CNTNAP2: variants seen among roughly 807,000 people sequenced by gnomAD.
The protein encoded by CNTNAP2 is contactin-associated protein-like 2.
CNTNAP2 carries 98 observed loss-of-function variants against 155.2 expected under a neutral mutation model. The ratio of observed to expected loss-of-function variants is 0.63; its 90% confidence interval spans 0.54 to 0.75. The LOEUF (loss-of-function observed/expected upper bound fraction) is 0.75, where lower values mean the gene tolerates loss of function less well. CNTNAP2 is among the 30% of genes least tolerant of loss of function. The probability of loss-of-function intolerance (pLI) is 0.00; values close to 1 mark genes in which losing one functional copy is unlikely to be tolerated. For synonymous variants in CNTNAP2, 651 were observed against 631.2 expected (o/e 1.03, Z -0.47); for missense variants, 1,727 against 1,688.1 (o/e 1.02, Z -0.40).
At chr7:147,741,247 C>G (rs1796951122) in intron 13 of CNTNAP2, among the ~76,000 whole-genome samples, 1 of 152,146 alleles carries the variant, frequency 6.6e-6, no homozygotes, top group Admixed American at 6.5e-5. Flanking sequence ...TCTTCAGGTC[C>G]AGATAAGGGA....
At position 147,266,856 on chromosome 7, in the gene CNTNAP2, C is replaced by T. The variant is rs370269450; in HGVS notation, c.1349-33285C>T. Among the ~76,000 whole-genome samples the T allele has an allele frequency of 3.9e-5, 6 of 152,224 alleles. No homozygotes were observed. In the South Asian group the frequency reaches 8.3e-4, roughly 21 times the overall value. ...TGTTTCTTAGCATGTTTTGTGTTCC[C>T]ATTTTAAGTCTGTAAGGGTTATAGA... On this transcript the variant is annotated intron_variant, in intron 8 of 23. Transcript: ENST00000361727.
intron 15 of CNTNAP2, among the ~76,000 whole-genome samples, chr7:148,002,604 A>C (rs555787659): frequency 6.6e-6 from 1 of 152,324 alleles, no homozygotes; most frequent in Non-Finnish European, 1.5e-5. Context: ...CATTTAGATG[A>C]CACATTTAAT....
At chr7:146,395,450 A>G (rs1795606171) in intron 1 of CNTNAP2, among the ~76,000 whole-genome samples, 2 of 128,992 alleles carry the variant, frequency 1.6e-5, no homozygotes, top group South Asian at 4.4e-4. Flanking sequence ...ATAGTGCTAA[A>G]TAGTTTTTTT....
At chr7:147,157,472 T>C (rs934091151) in intron 8 of CNTNAP2, among the ~76,000 whole-genome samples, 1 of 152,106 alleles carries the variant, frequency 6.6e-6, no homozygotes, top group Non-Finnish European at 1.5e-5. Flanking sequence ...TTCAGAACAA[T>C]TGTCAAGTTT....
intron 1 of CNTNAP2, among the ~76,000 whole-genome samples, chr7:146,227,493 T>C (rs890958867): frequency 6.6e-6 from 1 of 151,470 alleles, no homozygotes; most frequent in Non-Finnish European, 1.5e-5. Context: ...AAATATTTCA[T>C]TGGTTGACTC....
At chr7:146,904,712 C>T (rs965405016) in intron 3 of CNTNAP2, among the ~76,000 whole-genome samples, 21 of 152,136 alleles carry the variant, frequency 1.4e-4, no homozygotes, top group African/African-American at 4.3e-4. Context: ...ACCTCGTGAT[C>T]CGCCCACCTC....
intron 1 of CNTNAP2, among the ~76,000 whole-genome samples, chr7:146,293,078 C>G (rs569239370): frequency 6.6e-6 from 1 of 151,922 alleles, no homozygotes; most frequent in African/African-American, 2.4e-5. Context: ...ATTGTATTCA[C>G]GAACTATAAC....
At chr7:146,776,907 G>T (rs1343302909) in intron 2 of CNTNAP2, among the ~76,000 whole-genome samples, 1 of 152,078 alleles carries the variant, frequency 6.6e-6, no homozygotes, top group Non-Finnish European at 1.5e-5. Context: ...TGGACACTTG[G>T]ATTTGAGGAG....
At chr7:146,721,890 T>TATATA (rs1491454260) in intron 1 of CNTNAP2, among the ~76,000 whole-genome samples, 1 of 75,594 alleles carries the variant, frequency 1.3e-5, no homozygotes, top group African/African-American at 8.8e-5. Flanking sequence ...TATATATATA[T>TATATA]TTTTTTTTTT....
chr7:148,413,606 G>A (rs892740495), intron 23 of CNTNAP2, among the ~76,000 whole-genome samples: 8 of 150,742 alleles, frequency 5.3e-5, no homozygotes, highest in Admixed American at 2.0e-4. Flanking sequence ...AGTATTGTTC[G>A]AGTCTTTTAA....
intron 10 of CNTNAP2, among the ~76,000 whole-genome samples, chr7:147,420,802 A>T (rs903219765): frequency 1.3e-5 from 2 of 152,320 alleles, no homozygotes; most frequent in Admixed American, 1.3e-4. Context: ...TCTGAAAGTA[A>T]CCAACCATTC....
intron 12 of CNTNAP2, among the ~76,000 whole-genome samples, chr7:147,627,913 A>G (rs185487368): frequency 4.6e-4 from 69 of 149,016 alleles, no homozygotes; most frequent in African/African-American, 1.6e-3. Flanking sequence ...TTTCAAATTA[A>G]GCCAATCAGA....
intron 3 of CNTNAP2, among the ~76,000 whole-genome samples, chr7:146,968,021 C>A (rs13247431): frequency 7.8e-6 from 1 of 128,322 alleles, no homozygotes; most frequent in African/African-American, 2.6e-5. Context: ...TAGCATGAAG[C>A]GGTGTTGAAT....
intron 1 of CNTNAP2, among the ~76,000 whole-genome samples, chr7:146,235,629 C>T (rs7790462): frequency 1.3e-5 from 2 of 152,106 alleles, no homozygotes; most frequent in African/African-American, 4.8e-5. Context: ...TACCCCTTTT[C>T]CCCAAGTGGT....
chr7:148,259,179 TAAAAAAAAAAAAAA>T (rs34229180), intron 20 of CNTNAP2, among the ~76,000 whole-genome samples: 33 of 24,028 alleles, frequency 1.4e-3, no homozygotes, highest in African/African-American at 4.0e-3. Context: ...AACTCCGTCT[TAAAAAAAAAAAAAA>T]AAAAAAAAAA....
intron 1 of CNTNAP2, among the ~76,000 whole-genome samples, chr7:146,300,617 G>T (rs1205077006): frequency 6.6e-6 from 1 of 151,994 alleles, no homozygotes; most frequent in African/African-American, 2.4e-5. Context: ...AGTCTTTTAG[G>T]TTGGCCATAT....
intron 1 of CNTNAP2, among the ~76,000 whole-genome samples, chr7:146,161,399 G>T (rs915373748): frequency 1.3e-5 from 2 of 152,086 alleles, no homozygotes; most frequent in African/African-American, 4.8e-5. Context: ...TAGGAAAAGA[G>T]GAAGTCAAAT....
chr7:147,231,076 G>A (rs1394226015), intron 8 of CNTNAP2, among the ~76,000 whole-genome samples: 3 of 152,150 alleles, frequency 2.0e-5, no homozygotes, highest in Admixed American at 6.5e-5. Flanking sequence ...TGAAGCAAGC[G>A]GGAACTGCCA....
At position 148,077,925 on chromosome 7, in the gene CNTNAP2, ACTC is replaced by A. The variant is rs1186811912; in HGVS notation, c.2384-40190_2384-40188del. Among the ~76,000 whole-genome samples, 3 of 152,226 alleles carry A rather than the reference ACTC, an allele frequency of 2.0e-5. No homozygotes were observed. The East Asian group carries it at 5.8e-4, about 29-fold the overall frequency. The stretch of plus-strand genomic sequence containing the variant: ...CTTACCAGTTTTACTGCCAAAATAA[ACTC>A]CTTCTCATACAAAGTCTGGGATTAT... On this transcript the variant is annotated intron_variant, in intron 15 of 23. Coordinates refer to ENST00000361727, the MANE Select transcript of CNTNAP2 (RefSeq NM_014141.6).
Sources: allele counts gnomAD v4.1 joint callset (sites outside exome capture counted in the v4.1 genomes callset), GRCh38; gene constraint gnomAD v4.1.1; transcripts MANE v1.5; gene names NCBI Gene and HGNC (gene_info 2026-07-23, HGNC 2026-07-21).